C14orf93: variants seen among roughly 807,000 people sequenced by gnomAD.
C14orf93 encodes the protein chromosome 14 open reading frame 93.
A neutral mutation model predicts 44.0 loss-of-function variants in C14orf93; 23 were observed. The observed-to-expected ratio is 0.52, with a 90% confidence interval of 0.38 to 0.74. The LOEUF (loss-of-function observed/expected upper bound fraction) is 0.74, where lower values mean the gene tolerates loss of function less well. C14orf93 is among the 30% of genes least tolerant of loss of function. C14orf93 has a pLI of 0.00. For synonymous variants in C14orf93, 253 were observed against 265.7 expected, an observed-to-expected ratio of 0.95 and a Z score of 0.46; for missense variants, 579 against 678.9, an observed-to-expected ratio of 0.85 and a Z score of 1.64.
rs1305519456 is a variant in C14orf93, at chr14:22,999,336, C to T, written c.-313G>A. 3 of 233,356 alleles carry T rather than the reference C, an allele frequency of 1.3e-5. No homozygotes were observed. Among genetic ancestry groups the T allele is most frequent in the African/African-American group, 4.5e-5 (2 of 44,278 alleles). The allele number at this position is 233,356 out of a possible 1,614,324, so 14.5% of individuals were successfully genotyped here. A position where few individuals can be genotyped will look rare whatever the true frequency, so the allele number is the denominator to read the frequency against. ...GGTAGAGAGCATTCCTTCTGCCCCC[C>T]AGCATGGAACCCCCGACTAGTGCAA... On this transcript the variant is annotated 5_prime_UTR_variant, in exon 2 of 7. Coordinates refer to ENST00000299088, the MANE Select transcript of C14orf93 (RefSeq NM_021944.4).
At chr14:23,003,880 ATATATATATATATATATATTTTTTTTT>A (rs2046451102) in intron 1 of C14orf93, among the ~76,000 whole-genome samples, 2 of 15,996 alleles carry the variant, frequency 1.3e-4, no homozygotes, top group Non-Finnish European at 2.4e-4. Context: ...ATATATATAT[ATATATATATATATATATATTTTTTTTT>A]TTTTTTTTTT....
intron 3 of C14orf93, among the ~76,000 whole-genome samples, chr14:22,993,456 C>T (rs2045782712): frequency 6.6e-6 from 1 of 152,116 alleles, no homozygotes. Flanking sequence ...GCTGCATATT[C>T]AACATAGTTA....
chr14:22,991,968 G>T (rs1018339706), intron 3 of C14orf93, among the ~76,000 whole-genome samples: 1 of 152,162 alleles, frequency 6.6e-6, no homozygotes, highest in Non-Finnish European at 1.5e-5. Flanking sequence ...CAAATCTCTG[G>T]AGTATATACA....
At chr14:23,005,320 T>C (rs1291195225) in intron 1 of C14orf93, 4 of 152,002 alleles carry the variant, frequency 2.6e-5, no homozygotes, top group Non-Finnish European at 5.9e-5. Flanking sequence ...ACCACCAGAA[T>C]GACAGAAATG....
chr14:23,006,474 T>C (rs1410680615), intron 1 of C14orf93: 2 of 152,226 alleles, frequency 1.3e-5, no homozygotes, highest in Admixed American at 6.5e-5. Context: ...TATATTTCTA[T>C]AGCAGGATGA....
At chr14:22,993,255 G>C (rs1252247455) in intron 3 of C14orf93, among the ~76,000 whole-genome samples, 4 of 152,192 alleles carry the variant, frequency 2.6e-5, no homozygotes, top group Non-Finnish European at 5.9e-5. Flanking sequence ...AGCTCCCTCA[G>C]TCAGTGGAAG....
intron 1 of C14orf93, among the ~76,000 whole-genome samples, chr14:23,002,948 A>G (rs1160494355): frequency 1.3e-5 from 2 of 152,186 alleles, no homozygotes; most frequent in Non-Finnish European, 2.9e-5. Context: ...CAAACAACAC[A>G]TTCCTCAAGT....
At chr14:22,993,528 G>C (rs2045787318) in intron 3 of C14orf93, among the ~76,000 whole-genome samples, 1 of 152,148 alleles carries the variant, frequency 6.6e-6, no homozygotes, top group Non-Finnish European at 1.5e-5. Context: ...GTTTCAGAAA[G>C]TATTTGGGAG....
At chr14:23,006,177 G>T (rs2046611616) in intron 1 of C14orf93, 2 of 152,270 alleles carry the variant, frequency 1.3e-5, no homozygotes, top group African/African-American at 2.4e-5. Context: ...GCCACTTAAA[G>T]CTCCTGCTGT....
At chr14:22,993,829 C>T (rs1389016189) in intron 3 of C14orf93, 1 of 152,242 alleles carries the variant, frequency 6.6e-6, no homozygotes, top group Non-Finnish European at 1.5e-5. Context: ...CAGCAATCCT[C>T]AAGAGCCTCA....
At chr14:23,002,827 AC>A (rs1442392563) in intron 1 of C14orf93, 2 of 152,088 alleles carry the variant, frequency 1.3e-5, no homozygotes, top group East Asian at 3.9e-4. Context: ...AGCTGGGATC[AC>A]AGGTGCGAGC....
chr14:23,002,480 C>T (rs1313305264), intron 1 of C14orf93, among the ~76,000 whole-genome samples: 1 of 151,302 alleles, frequency 6.6e-6, no homozygotes, highest in African/African-American at 2.4e-5. Flanking sequence ...ATGAGGTTCT[C>T]CTCTGGCTGC....
chr14:22,987,116 G>T lies in C14orf93; in HGVS notation c.*99C>A. On this transcript the variant is annotated 3_prime_UTR_variant, in exon 7 of 7. Transcript: ENST00000299088. This position sits in a 1 kb window ranked among gnomAD's most constrained non-coding sequence, Gnocchi z 5.6. ...GAAAAGAGGCAAATTTGCTTTCTCA[G>T]ACTGCACAGAGCATCTCATTATTTT... is the stretch of plus-strand genomic sequence containing the variant. 2 of 1,320,290 alleles carry T rather than the reference G, an allele frequency of 1.5e-6. No homozygotes were observed. Among genetic ancestry groups the T allele is most frequent in the South Asian group, 1.5e-5 (1 of 65,822 alleles). The allele number at this position is 1,320,290 out of a possible 1,614,324, so 81.8% of individuals were successfully genotyped here.
Position 22,996,090 on chromosome 14 carries a change from G to T in C14orf93, c.776C>A (p.Ala259Asp), listed in dbSNP as rs2045955558. 6.2e-7 allele frequency: 1 copy of T among 1,614,122 alleles called. No individual in the cohort carries two copies. Among genetic ancestry groups the T allele is most frequent in the Non-Finnish European group, 8.5e-7 (1 of 1,180,026 alleles). The change falls in exon 3 of 7, where the codon GCT (alanine) becomes GAT (aspartate). Residue 259 changes from alanine (A) to aspartate (D), a missense_variant. Physicochemically the swap from Ala to Asp is moderately radical, Grantham distance 126. Transcript: ENST00000299088. This position sits in a 1 kb window ranked among gnomAD's most constrained non-coding sequence, Gnocchi z 4.1. ...CTCTTCCAAGGCACTGTCCAGCGCAGCAGCGGCATTGAGCATGTCCTCAGG... is the reference window on the plus strand; with the variant it reads ...CTCTTCCAAGGCACTGTCCAGCGCATCAGCGGCATTGAGCATGTCCTCAGG... ...PRPEDMLNAA[A>D]ALDSALEESG...
Position 22,999,048 on chromosome 14 carries a change from G to T in C14orf93, c.-25C>A, listed in dbSNP as rs773709253. 4 of 1,582,944 alleles carry T rather than the reference G, an allele frequency of 2.5e-6. No homozygotes were observed. The East Asian group carries it at 9.0e-5, about 35-fold the overall frequency. Reference sequence around the variant, plus strand: ...TGGCGGATGGGGCAGTAACAACCACGCTTACACTGCTGGGCCGCTCCAACA... The same window carrying T: ...TGGCGGATGGGGCAGTAACAACCACTCTTACACTGCTGGGCCGCTCCAACA... On this transcript the variant is annotated 5_prime_UTR_variant, in exon 2 of 7. Coordinates refer to ENST00000299088, the MANE Select transcript of C14orf93 (RefSeq NM_021944.4).
At chr14:22,994,719 C>A (rs1232552750) in intron 3 of C14orf93, among the ~76,000 whole-genome samples, 1 of 150,522 alleles carries the variant, frequency 6.6e-6, no homozygotes, top group Non-Finnish European at 1.5e-5. Context: ...GGGAGTGAGA[C>A]CCTGTCTCAA....
chr14:22,998,067 C>A, intron 2 of C14orf93: 1 of 216,816 alleles, frequency 4.6e-6, no homozygotes, highest in Non-Finnish European at 9.0e-6. Context: ...AAGCAGAGGG[C>A]CTGCGATAAA....
In C14orf93 at chr14:22,998,637, T is replaced by C. The variant is rs371090817; in HGVS notation, c.387A>G (p.Glu129=). 1.3e-5 allele frequency: 21 copies of C among 1,613,788 alleles called. No homozygotes were observed. Among genetic ancestry groups the C allele is most frequent in the Non-Finnish European group, 1.5e-5 (18 of 1,179,784 alleles). ...GAGCCTTAAAGGCTTCCCCGGGACTTTCCTTGAGAGGCCCAGGCTCCTCAG... is the reference window on the plus strand; with the variant it reads ...GAGCCTTAAAGGCTTCCCCGGGACTCTCCTTGAGAGGCCCAGGCTCCTCAG... ...SPPEEPGPLK[E]SPGEAFKALS... is the part of the protein sequence containing the mutation. Residue 129 remains glutamate (E), a synonymous_variant, in exon 2 of 7, where the codon GAA becomes GAG. Coordinates refer to ENST00000299088, the MANE Select transcript of C14orf93 (RefSeq NM_021944.4).
chr14:22,987,679 A>G lies in C14orf93; in HGVS notation c.1198-45T>C. 2 of 1,522,172 alleles carry G rather than the reference A, an allele frequency of 1.3e-6. No individual in the cohort carries two copies. The highest frequency in any genetic ancestry group is 1.8e-6 in the Non-Finnish European group (2 of 1,136,468). The allele number at this position is 1,522,172 out of a possible 1,614,324, so 94.3% of individuals were successfully genotyped here. A position where few individuals can be genotyped will look rare whatever the true frequency, so the allele number is the denominator to read the frequency against. Reference sequence around the variant, plus strand: ...GATAGATTAGGAAGGTAAACATTCTATGGATTAGATTTGGGGAAAAGGTTT... The same window carrying G: ...GATAGATTAGGAAGGTAAACATTCTGTGGATTAGATTTGGGGAAAAGGTTT... On this transcript the variant is annotated intron_variant, in intron 6 of 6. Transcript: ENST00000299088. This position sits in a 1 kb window ranked among gnomAD's most constrained non-coding sequence, Gnocchi z 5.6.
Sources: gnomAD v4.1 joint callset for allele counts (sites outside exome capture counted in the v4.1 genomes callset) on GRCh38, gnomAD v4.1.1 for gene constraint, Gnocchi (gnomAD v3.1) non-coding constraint, MANE v1.5 for transcripts, NCBI Gene and HGNC (gene_info 2026-07-23, HGNC 2026-07-21) for gene names.